The following TUBB4B variants were observed in gnomAD, a reference collection of about 807,000 sequenced individuals.
The protein encoded by TUBB4B is tubulin beta 4B class IVb.
Under a neutral mutation model 34.3 loss-of-function variants are expected in TUBB4B, and 7 were observed. That is an observed-to-expected ratio of 0.20 (90% CI 0.12 to 0.38). TUBB4B has a LOEUF of 0.38. Ranked by LOEUF, TUBB4B falls within the 10% of genes least tolerant of loss-of-function variation. The pLI is 1.00. For synonymous variants in TUBB4B, 390 were observed against 250.2 expected (o/e 1.56, Z -5.27); for missense variants, 178 against 610.9 (o/e 0.29, Z 7.47).
At chr9:137,241,652 C>T (rs1264583760) in intron 1 of TUBB4B, 69 bp from the exon 2 acceptor site, 3 of 1,234,346 alleles carry the variant, frequency 2.4e-6, no homozygotes, top group East Asian at 4.0e-5. Flanking sequence ...CGGGGCGGGG[C>T]TGCCTCCCTG....
In TUBB4B at chr9:137,242,857, A is replaced by G. The variant is rs1256717965; in HGVS notation, c.639A>G (p.Arg213=). 6.2e-7 allele frequency: 1 copy of G among 1,613,632 alleles called. No homozygotes were observed. Among genetic ancestry groups the G allele is most frequent in the South Asian group, 1.1e-5 (1 of 91,088 alleles). The change falls in exon 4 of 4, where the codon AGA becomes AGG. Residue 213 remains arginine, a synonymous_variant. Transcript: ENST00000340384. ...DNEALYDICF[R]TLKLTTPTYG... is the part of the protein sequence containing the mutation. ...AAGCTCTCTACGACATTTGCTTCAG[A>G]ACCCTAAAGCTGACCACGCCCACCT... is the stretch of plus-strand genomic sequence containing the variant.
chr9:137,241,531 C>A, intron 1 of TUBB4B, 114 bp downstream of exon 1: 2 of 995,424 alleles, frequency 2.0e-6, no homozygotes, highest in Non-Finnish European at 2.5e-6. Flanking sequence ...GGCCGCCGGG[C>A]CCCCTCCGCG....
chr9:137,241,581 C>T (rs1195478324), intron 1 of TUBB4B, 140 bp from the exon 2 acceptor site: 8 of 801,410 alleles, frequency 1.0e-5, no homozygotes, highest in Non-Finnish European at 1.2e-5. Flanking sequence ...CCCCAGGAAC[C>T]CGGCGGCCAG....
intron 3 of TUBB4B, 96 bp from the exon 4 acceptor site, chr9:137,242,400 G>A: frequency 3.5e-6 from 5 of 1,430,696 alleles, no homozygotes; most frequent in South Asian, 2.6e-5. Flanking sequence ...GAATTCTGTG[G>A]TCAGCTCACA....
At position 137,242,151 on chromosome 9, in the gene TUBB4B, C is replaced by T. The variant is rs545160776; in HGVS notation, c.277+130C>T. ...TCTCTGAGCCACTCAATCCCCTCTACTAAATCGGCTTTGGGAGCAAGGTCC... is the reference window on the plus strand; with the variant it reads ...TCTCTGAGCCACTCAATCCCCTCTATTAAATCGGCTTTGGGAGCAAGGTCC... On this transcript the variant is annotated intron_variant, in intron 3 of 3. Transcript: ENST00000340384. 25 of 956,690 alleles carry T rather than the reference C, an allele frequency of 2.6e-5. No individual in the cohort carries two copies. In the East Asian group the frequency reaches 5.5e-4, roughly 21 times the overall value. 59.3% of individuals were successfully genotyped at this position (956,690 alleles called of 1,614,324 possible).
intron 1 of TUBB4B, 76 bp downstream of exon 1, chr9:137,241,493 C>A: frequency 8.4e-7 from 1 of 1,194,554 alleles, no homozygotes; most frequent in South Asian, 3.2e-5. Flanking sequence ...ATGGCGGCAG[C>A]AGCGGCCGGG....
rs763947344 is a variant in TUBB4B at position 137,243,217 on chromosome 9, C to T, written c.999C>T (p.Val333=). ...MKEVDEQMLN[V]QNKNSSYFVE... is the part of the protein sequence containing the mutation. ...AGGTGGATGAGCAAATGCTTAATGT[C>T]CAAAACAAAAACAGCAGCTATTTTG... The change falls in exon 4 of 4, where the codon GTC becomes GTT. Residue 333 remains valine (V), a synonymous_variant. Coordinates refer to ENST00000340384, the MANE Select transcript of TUBB4B (RefSeq NM_006088.6). The T allele has an allele frequency of 5.0e-6, 8 of 1,613,166 alleles. No individual in the cohort carries two copies. The highest frequency in any genetic ancestry group is 5.9e-6 in the Non-Finnish European group (7 of 1,180,018).
rs758534522 is a variant in TUBB4B at position 137,242,728 on chromosome 9, G to C, written c.510G>C (p.Val170=). 1 of 1,613,820 alleles carries C rather than the reference G, an allele frequency of 6.2e-7. No homozygotes were observed. The highest frequency in any genetic ancestry group is 1.1e-5 in the South Asian group (1 of 91,090). ...GGATCATGAACACGTTTAGTGTGGT[G>C]CCTTCGCCCAAAGTGTCAGACACAG... ...PDRIMNTFSV[V]PSPKVSDTVV... is the part of the protein sequence containing the mutation. The change falls in exon 4 of 4, where the codon GTG becomes GTC. Residue 170 remains valine, a synonymous_variant. Coordinates refer to ENST00000340384, the MANE Select transcript of TUBB4B (RefSeq NM_006088.6).
rs755788572 is a variant in TUBB4B, at chr9:137,243,667, C to T, written c.*111C>T. On this transcript the variant is annotated 3_prime_UTR_variant, in exon 4 of 4. Transcript: ENST00000340384. ...CACTTGCTGTTTTCCCTGTCCACAT[C>T]CATGCTGTACAGACACCACCATTAA... 9.3e-6 allele frequency: 15 copies of T among 1,613,936 alleles called. 1 individual carries two copies. The highest frequency in any genetic ancestry group is 1.6e-4 in the Middle Eastern group (1 of 6,084).
In TUBB4B at chr9:137,241,905, C is replaced by T. The variant is rs774804073; in HGVS notation, c.167-6C>T. ...TGCCTTGGCTGACGCCCTCCCGTCCCCGCAGGCGGCAAGTACGTGCCCCGC... is the reference window on the plus strand; with the variant it reads ...TGCCTTGGCTGACGCCCTCCCGTCCTCGCAGGCGGCAAGTACGTGCCCCGC... On this transcript the variant is annotated splice_polypyrimidine_tract_variant and splice_region_variant and intron_variant, in intron 2 of 3. Coordinates refer to ENST00000340384, the MANE Select transcript of TUBB4B (RefSeq NM_006088.6). The T allele has an allele frequency of 1.2e-5, 20 of 1,610,878 alleles. No individual in the cohort carries two copies. The highest frequency in any genetic ancestry group is 6.6e-5 in the South Asian group (6 of 91,000).
chr9:137,242,156 TC>T (rs1423651831), intron 3 of TUBB4B, 135 bp downstream of exon 3: 1 of 931,820 alleles, frequency 1.1e-6, no homozygotes, highest in Non-Finnish European at 1.6e-6. Flanking sequence ...CTCTACTAAA[TC>T]GGCTTTGGGA....
chr9:137,242,183 C>T (rs1435381497), intron 3 of TUBB4B, 162 bp downstream of exon 3: 15 of 758,934 alleles, frequency 2.0e-5, no homozygotes, highest in East Asian at 8.1e-5. Context: ...GTCCAGCTGT[C>T]TGCCGAGGCG....
At chr9:137,241,682 C>G (rs758494485) in intron 1 of TUBB4B, 39 bp from the exon 2 acceptor site, 12 of 1,559,070 alleles carry the variant, frequency 7.7e-6, no homozygotes, top group Admixed American at 1.8e-5. Flanking sequence ...CGCGGTGACT[C>G]AGCCCCGGCC....
rs1240656418 is a variant in TUBB4B at position 137,243,629 on chromosome 9, G to C, written c.*73G>C. 6.2e-7 allele frequency: 1 copy of C among 1,613,774 alleles called. No individual in the cohort carries two copies. The highest frequency in any genetic ancestry group is 1.1e-5 in the South Asian group (1 of 91,080). On this transcript the variant is annotated 3_prime_UTR_variant, in exon 4 of 4. Transcript: ENST00000340384. ...TCACTCCCAGCCTGTCCTGTGGCCT[G>C]TCCCACTGTGTGCACTTGCTGTTTT... is the stretch of plus-strand genomic sequence containing the variant.
Position 137,241,801 on chromosome 9 carries a change from C to T in TUBB4B, c.138C>T (p.Arg46=), listed in dbSNP as rs146885295. The part of the protein sequence containing the change: ...YHGDSDLQLE[R]INVYYNEATG... ...GGGACAGCGACCTGCAGCTGGAACG[C>T]ATCAACGTGTACTACAATGAGGCCA... The change falls in exon 2 of 4, where the codon CGC becomes CGT. Residue 46 remains arginine (R), a synonymous_variant. Transcript: ENST00000340384. 10 of 1,612,282 alleles carry T rather than the reference C, an allele frequency of 6.2e-6. No individual in the cohort carries two copies. The highest frequency in any genetic ancestry group is 5.0e-5 in the Admixed American group (3 of 59,986).
chr9:137,242,057 G>A (rs754907772), intron 3 of TUBB4B, 36 bp downstream of exon 3: 2 of 1,597,616 alleles, frequency 1.3e-6, no homozygotes, highest in Non-Finnish European at 1.7e-6. Flanking sequence ...GCGGCTCAAA[G>A]GTCAAGGGGC....
Position 137,242,029 on chromosome 9 carries a change from G to A in TUBB4B, c.277+8G>A, listed in dbSNP as rs747976163. ...CGGACAACTTCGTTTTCGGTGAGCC[G>A]TGGCTGGGGACTGGGCGGCGGCTCA... On this transcript the variant is annotated splice_region_variant and intron_variant, in intron 3 of 3. Coordinates refer to ENST00000340384, the MANE Select transcript of TUBB4B (RefSeq NM_006088.6). The A allele has an allele frequency of 1.2e-6, 2 of 1,609,714 alleles. No homozygotes were observed. Among genetic ancestry groups the A allele is most frequent in the Non-Finnish European group, 1.7e-6 (2 of 1,179,338 alleles).
In TUBB4B at chr9:137,241,351, C is replaced by A. The variant is rs777725566; in HGVS notation, c.-10C>A. The A allele has an allele frequency of 1.3e-6, 2 of 1,599,852 alleles. No homozygotes were observed. The highest frequency in any genetic ancestry group is 2.3e-5 in the East Asian group (1 of 43,970). ...CTTCCTCCTGCTTCCCCGCCGCCGC[C>A]GCCGCCATCATGAGGGAAATCGTGC... On this transcript the variant is annotated 5_prime_UTR_variant, in exon 1 of 4. Coordinates refer to ENST00000340384, the MANE Select transcript of TUBB4B (RefSeq NM_006088.6).
rs374519156 is a variant in TUBB4B at position 137,241,713 on chromosome 9, C to A, written c.58-8C>A. The A allele has an allele frequency of 2.5e-6, 4 of 1,609,312 alleles. No homozygotes were observed. Among genetic ancestry groups the A allele is most frequent in the South Asian group, 1.1e-5 (1 of 90,958 alleles). ...CGGCCCGCCCGGGCCCGCCCGCGTC[C>A]CTTGTAGTTTTGGGAGGTGATCAGC... On this transcript the variant is annotated splice_polypyrimidine_tract_variant and splice_region_variant and intron_variant, in intron 1 of 3. Coordinates refer to ENST00000340384, the MANE Select transcript of TUBB4B (RefSeq NM_006088.6).
Sources: allele counts gnomAD v4.1 joint callset, GRCh38; gene constraint gnomAD v4.1.1; transcripts MANE v1.5; gene names NCBI Gene and HGNC (gene_info 2026-07-23, HGNC 2026-07-21).